Variants in AGPS observed in about 807,000 individuals in gnomAD.
AGPS encodes the protein alkylglycerone phosphate synthase, also known as alkyldihydroxyacetonephosphate synthase, peroxisomal.
AGPS carries 26 observed loss-of-function variants against 90.7 expected under a neutral mutation model. The observed-to-expected ratio is 0.29, with a 90% CI of 0.21 to 0.40. The LOEUF (loss-of-function observed/expected upper bound fraction) is 0.40. Ranked by LOEUF, AGPS falls within the 10% of genes least tolerant of loss-of-function variation. The probability of loss-of-function intolerance (pLI) is 1.00; values close to 1 mark genes in which losing one functional copy is unlikely to be tolerated. For missense variants in AGPS, 540 were observed against 816.1 expected, an observed-to-expected ratio of 0.66 and a Z score of 4.12; for synonymous variants, 294 against 285.3, an observed-to-expected ratio of 1.03 and a Z score of -0.31.
chr2:177,484,418 G>C (rs1316186513), intron 11 of AGPS, among the ~76,000 whole-genome samples: 3 of 150,072 alleles, frequency 2.0e-5, no homozygotes, highest in Non-Finnish European at 4.4e-5. Context: ...ATCTCGATGC[G>C]CTGCAACCTC....
chr2:177,399,885 A>T (rs1313924698), intron 1 of AGPS, among the ~76,000 whole-genome samples: 2 of 152,102 alleles, frequency 1.3e-5, no homozygotes, highest in Admixed American at 1.3e-4. Flanking sequence ...TTTCCTTCAG[A>T]GTATTATGTT....
At chr2:177,501,186 C>G (rs1688551240) in intron 14 of AGPS, among the ~76,000 whole-genome samples, 1 of 151,986 alleles carries the variant, frequency 6.6e-6, no homozygotes, top group African/African-American at 2.4e-5. Context: ...GTGCATTTTG[C>G]TTTATCATTT....
chr2:177,413,965 G>A lies in AGPS; in HGVS notation c.261-6304G>A, dbSNP rs144062014. Among the ~76,000 whole-genome samples the A allele has an allele frequency of 1.4e-4, 22 of 152,276 alleles. No homozygotes were observed. The East Asian group carries it at 4.0e-3, about 28-fold the overall frequency. ...TGAGAGAAGTGTGGGAGTAAAGAATGGCACCCCAAGAACCTGAAGTGATTA... is the reference window on the plus strand; with the variant it reads ...TGAGAGAAGTGTGGGAGTAAAGAATAGCACCCCAAGAACCTGAAGTGATTA... On this transcript the variant is annotated intron_variant, in intron 1 of 19. Transcript: ENST00000264167.
intron 11 of AGPS, among the ~76,000 whole-genome samples, chr2:177,488,073 T>G (rs1688146470): frequency 6.6e-6 from 1 of 152,224 alleles, no homozygotes; most frequent in Non-Finnish European, 1.5e-5. Flanking sequence ...CAGTAATAAC[T>G]GTAGCCTTAA....
chr2:177,516,376 G>A lies in AGPS; in HGVS notation c.1697+2468G>A, dbSNP rs187187680. Among the ~76,000 whole-genome samples the A allele has an allele frequency of 3.5e-4, 53 of 152,174 alleles. No individual in the cohort carries two copies. In the East Asian group the frequency reaches 8.5e-3, roughly 24 times the overall value. ...CAAATAAAGTACTCCAAAAAGTAGGGAGCACAAAAAAATTTTTTTAATTAA... is the reference window on the plus strand; with the variant it reads ...CAAATAAAGTACTCCAAAAAGTAGGAAGCACAAAAAAATTTTTTTAATTAA... On this transcript the variant is annotated intron_variant, in intron 17 of 19. Transcript: ENST00000264167.
chr2:177,407,736 A>G (rs1202919657), intron 1 of AGPS, among the ~76,000 whole-genome samples: 1 of 152,122 alleles, frequency 6.6e-6, no homozygotes. Flanking sequence ...AAGCACAGCA[A>G]GAAGTAGGAG....
chr2:177,393,588 C>T lies in AGPS; in HGVS notation c.260+539C>T, dbSNP rs1001250398. ...ATGTATTGACTTTGAGGGAGGAAAC[C>T]GATGAATGGTAAGAAGCCATAAACT... On this transcript the variant is annotated intron_variant, in intron 1 of 19. Coordinates refer to ENST00000264167, the MANE Select transcript of AGPS (RefSeq NM_003659.4). The T allele has an allele frequency of 4.1e-6, 4 of 984,616 alleles. No individual in the cohort carries two copies. The African/African-American group carries it at 5.2e-5, about 13-fold the overall frequency. 61.0% of individuals were successfully genotyped at this position (984,616 alleles called of 1,614,324 possible).
At chr2:177,513,650 G>T (rs908495702) in intron 16 of AGPS, among the ~76,000 whole-genome samples, 169 bp from the exon 17 acceptor site, 2 of 152,154 alleles carry the variant, frequency 1.3e-5, no homozygotes, top group South Asian at 4.1e-4. Context: ...TAGGAATGGA[G>T]GGCTCAATTT....
At chr2:177,482,361 C>G (rs1687971498) in intron 11 of AGPS, among the ~76,000 whole-genome samples, 175 bp downstream of exon 11, 1 of 151,890 alleles carries the variant, frequency 6.6e-6, no homozygotes, top group Non-Finnish European at 1.5e-5. Flanking sequence ...GTACAGTCAT[C>G]CTTTAAGTGC....
At chr2:177,432,920 C>T (rs1686286496) in intron 2 of AGPS, among the ~76,000 whole-genome samples, 1 of 152,174 alleles carries the variant, frequency 6.6e-6, no homozygotes, top group Admixed American at 6.5e-5. Context: ...AGGTGCCAGG[C>T]TCTTTTTAAA....
At chr2:177,491,770 C>A (rs931265785) in intron 11 of AGPS, among the ~76,000 whole-genome samples, 3 of 122,322 alleles carry the variant, frequency 2.5e-5, no homozygotes, top group Non-Finnish European at 5.1e-5. Context: ...TCCCCCCCCC[C>A]CCCTTTTTTT....
At chr2:177,484,421 G>A (rs536920097) in intron 11 of AGPS, among the ~76,000 whole-genome samples, 1 of 152,018 alleles carries the variant, frequency 6.6e-6, no homozygotes, top group South Asian at 2.1e-4. Context: ...TCGATGCGCT[G>A]CAACCTCTGA....
At chr2:177,459,815 G>A (rs902444754) in intron 8 of AGPS, among the ~76,000 whole-genome samples, 1 of 152,162 alleles carries the variant, frequency 6.6e-6, no homozygotes, top group East Asian at 1.9e-4. Context: ...CCATTACTGG[G>A]TATATACCCA....
chr2:177,476,102 T>C (rs1687775176), intron 10 of AGPS, among the ~76,000 whole-genome samples: 1 of 152,144 alleles, frequency 6.6e-6, no homozygotes, highest in Non-Finnish European at 1.5e-5. Context: ...TTGTTAATTT[T>C]ATTGATCTTT....
In AGPS at chr2:177,422,976, A is replaced by G. The variant is rs1685981369; in HGVS notation, c.350+2618A>G. ...TACCTTCTTAAAAATAATGAGGATG[A>G]GGAAAGTTAAGTAGCTTACCTGAAG... On this transcript the variant is annotated intron_variant, in intron 2 of 19. Coordinates refer to ENST00000264167, the MANE Select transcript of AGPS (RefSeq NM_003659.4). Among the ~76,000 whole-genome samples, 2 of 76,620 alleles carry G rather than the reference A, an allele frequency of 2.6e-5. 1 individual carries two copies. Among genetic ancestry groups the G allele is most frequent in the South Asian group, 8.2e-4 (2 of 2,440 alleles). 50.3% of individuals were successfully genotyped at this position (76,620 alleles called of 152,430 possible).
intron 8 of AGPS, among the ~76,000 whole-genome samples, chr2:177,449,896 G>A (rs1686886081): frequency 1.3e-5 from 2 of 151,788 alleles, no homozygotes; most frequent in Non-Finnish European, 2.9e-5. Flanking sequence ...GGAGTGCAGT[G>A]GTGTGATCTC....
intron 7 of AGPS, among the ~76,000 whole-genome samples, chr2:177,444,987 G>A (rs896379483): frequency 6.6e-6 from 1 of 152,110 alleles, no homozygotes; most frequent in African/African-American, 2.4e-5. Flanking sequence ...GGGGTCTCTG[G>A]CCCTGTTTTG....
chr2:177,436,722 G>A (rs199934108), intron 3 of AGPS, 42 bp from the exon 4 acceptor site: 45 of 1,596,030 alleles, frequency 2.8e-5, no homozygotes, highest in Middle Eastern at 2.2e-4. Flanking sequence ...CCCAAAATTC[G>A]TTGTCTAAAA....
At chr2:177,423,770 G>A (rs1193946535) in intron 2 of AGPS, among the ~76,000 whole-genome samples, 2 of 152,140 alleles carry the variant, frequency 1.3e-5, no homozygotes, top group Admixed American at 6.5e-5. Context: ...TAGGAGAAGA[G>A]TCTGAAATTT....
Sources: gnomAD v4.1 joint callset for allele counts (sites outside exome capture counted in the v4.1 genomes callset) on GRCh38, gnomAD v4.1.1 for gene constraint, MANE v1.5 for transcripts, NCBI Gene and HGNC (gene_info 2026-07-23, HGNC 2026-07-21) for gene names.